The following SORL1 variants were observed in gnomAD, a reference collection of about 807,000 sequenced individuals.
SORL1 encodes sortilin-related receptor.
SORL1 carries 127 observed loss-of-function variants against 273.7 expected under a neutral mutation model. That is an observed-to-expected ratio of 0.46 (90% confidence interval 0.40 to 0.54). The LOEUF is 0.54. Ranked by LOEUF, SORL1 falls within the 20% of genes least tolerant of loss-of-function variation. The pLI, the probability that SORL1 is intolerant of heterozygous loss-of-function variation, is 0.00. For missense variants in SORL1, 2,494 were observed against 2,846.1 expected, an observed-to-expected ratio of 0.88 and a Z score of 2.81; for synonymous variants, 1,031 against 1,067.4, an observed-to-expected ratio of 0.97 and a Z score of 0.66.
At chr11:121,456,270 A>G (rs1368386888) in intron 1 of SORL1, among the ~76,000 whole-genome samples, 3 of 152,130 alleles carry the variant, frequency 2.0e-5, no homozygotes, top group African/African-American at 7.2e-5. Flanking sequence ...CTGAGCTTGG[A>G]GGCAGCACTT....
chr11:121,459,416 A>G (rs1339375042), intron 1 of SORL1, among the ~76,000 whole-genome samples: 3 of 152,176 alleles, frequency 2.0e-5, no homozygotes, highest in Non-Finnish European at 2.9e-5. Context: ...GACCCTAGGT[A>G]TTGGTGGCTG....
At position 121,470,079 on chromosome 11, in the gene SORL1, T is replaced by G. The variant is rs1257018897; in HGVS notation, c.358T>G (p.Leu120Val). The part of the protein sequence containing the change: ...AGEKSNVIVA[L>V]ARDSLALARP... ...AGAGAAAAGCAACGTGATCGTGGCC[T>G]TGGCCCGAGATAGCCTGGCATTGGC... is the stretch of plus-strand genomic sequence containing the variant. The change falls in exon 2 of 48, where the codon TTG becomes GTG. Residue 120 changes from leucine to valine, a missense_variant. This residue lies in a region of SORL1 where 710 missense variants were observed against 882.5 expected (regional missense o/e 0.80). Transcript: ENST00000260197. The G allele has an allele frequency of 6.2e-7, 1 of 1,614,176 alleles. No homozygotes were observed. Among genetic ancestry groups the G allele is most frequent in the South Asian group, 1.1e-5 (1 of 91,084 alleles).
At chr11:121,619,692 T>C (rs893301139) in intron 42 of SORL1, 61 bp from the exon 43 acceptor site, 2 of 1,234,914 alleles carry the variant, frequency 1.6e-6, no homozygotes, top group African/African-American at 1.5e-5. Context: ...AAAAATACTT[T>C]AATAAAGATT....
chr11:121,581,457 G>A (rs1279466818), intron 25 of SORL1, among the ~76,000 whole-genome samples: 1 of 152,030 alleles, frequency 6.6e-6, no homozygotes, highest in African/African-American at 2.4e-5. Context: ...CATTCTTATA[G>A]TTACAATGAA....
chr11:121,600,387 A>G (rs1005069310), intron 32 of SORL1, among the ~76,000 whole-genome samples: 8 of 152,202 alleles, frequency 5.3e-5, no homozygotes, highest in African/African-American at 9.6e-5. Context: ...GTACAGTTCT[A>G]CACTTACATT....
chr11:121,538,917 C>A (rs1221268129), intron 12 of SORL1, among the ~76,000 whole-genome samples: 2 of 152,054 alleles, frequency 1.3e-5, no homozygotes, highest in East Asian at 1.9e-4. Flanking sequence ...GACCTTGTGA[C>A]CCGCCCGCCT....
intron 3 of SORL1, among the ~76,000 whole-genome samples, chr11:121,478,980 G>A (rs1210830811): frequency 2.0e-5 from 3 of 150,944 alleles, no homozygotes; most frequent in East Asian, 2.0e-4. Context: ...TTGTGTGCAC[G>A]TGGGTACCCA....
intron 41 of SORL1, 27 bp downstream of exon 41, chr11:121,615,082 AAGTG>A (rs1863620898): frequency 6.4e-7 from 1 of 1,571,462 alleles, no homozygotes; most frequent in Admixed American, 1.9e-5. Context: ...GACCATCACA[AAGTG>A]AGTGTGGACT....
intron 27 of SORL1, among the ~76,000 whole-genome samples, chr11:121,586,803 A>T (rs1226021530): frequency 2.0e-5 from 3 of 150,434 alleles, no homozygotes; most frequent in African/African-American, 7.3e-5. Flanking sequence ...ATCCTTGATT[A>T]TATATTGGAA....
intron 27 of SORL1, among the ~76,000 whole-genome samples, 160 bp downstream of exon 27, chr11:121,586,489 C>G (rs1044912923): frequency 2.6e-5 from 4 of 151,914 alleles, no homozygotes; most frequent in Non-Finnish European, 5.9e-5. Context: ...GGAGGCTGAT[C>G]GTGGCAGAGA....
intron 6 of SORL1, among the ~76,000 whole-genome samples, chr11:121,506,832 T>A (rs1861793945): frequency 6.6e-6 from 1 of 152,236 alleles, no homozygotes; most frequent in Admixed American, 6.5e-5. Flanking sequence ...TCTGCTATTT[T>A]GCTCTTTGCT....
At chr11:121,497,901 C>A (rs754094551) in intron 6 of SORL1, among the ~76,000 whole-genome samples, 1 of 152,166 alleles carries the variant, frequency 6.6e-6, no homozygotes, top group African/African-American at 2.4e-5. Flanking sequence ...CAGACGTAAT[C>A]TTTTCCTTCA....
chr11:121,520,576 T>C, intron 8 of SORL1, 81 bp from the exon 9 acceptor site: 2 of 1,022,130 alleles, frequency 2.0e-6, no homozygotes, highest in Non-Finnish European at 2.8e-6. Context: ...TTGTATACTT[T>C]TAAATGGTCA....
chr11:121,570,476 TA>T (rs1862824371), intron 23 of SORL1, among the ~76,000 whole-genome samples: 2 of 152,286 alleles, frequency 1.3e-5, no homozygotes, highest in South Asian at 2.1e-4. Flanking sequence ...ATATACATAA[TA>T]TTTTTTTAAC....
chr11:121,565,767 C>T (rs576420390), intron 21 of SORL1, among the ~76,000 whole-genome samples: 23 of 152,284 alleles, frequency 1.5e-4, no homozygotes, highest in Admixed American at 3.3e-4. Flanking sequence ...CTGCCATCCC[C>T]GGAACGATGT....
chr11:121,507,463 T>C (rs1259289400), intron 6 of SORL1, among the ~76,000 whole-genome samples: 2 of 151,942 alleles, frequency 1.3e-5, no homozygotes, highest in Non-Finnish European at 2.9e-5. Context: ...TTTAACATTC[T>C]TTTTTTTGTT....
chr11:121,601,074 G>A (rs1426345944), intron 32 of SORL1, among the ~76,000 whole-genome samples: 27 of 122,928 alleles, frequency 2.2e-4, no homozygotes, highest in Admixed American at 1.2e-3. Context: ...AGTCCCCAGA[G>A]TGTGATATTC....
chr11:121,619,862 A>G lies in SORL1; in HGVS notation c.5834A>G (p.Lys1945Arg), dbSNP rs367819410. The G allele has an allele frequency of 1.5e-5, 24 of 1,614,124 alleles. No individual in the cohort carries two copies. Among genetic ancestry groups the G allele is most frequent in the Non-Finnish European group, 2.0e-5 (24 of 1,179,970 alleles). Residue 1945 changes from lysine (K) to arginine (R), a missense_variant, in exon 43 of 48, where the codon AAA (lysine) becomes AGA (arginine). Physicochemically the swap from Lys to Arg is conservative, Grantham distance 26. Transcript: ENST00000260197. Reference protein sequence around the residue: ...PRHLHVVHTGKTSVVIKWESP... With the variant: ...PRHLHVVHTGRTSVVIKWESP... ...CACCTGCATGTGGTTCATACGGGCA[A>G]AACCTCCGTGGTCATCAAGTGGGAA...
At chr11:121,505,717 G>A (rs577053762) in intron 6 of SORL1, among the ~76,000 whole-genome samples, 4 of 152,124 alleles carry the variant, frequency 2.6e-5, no homozygotes, top group African/African-American at 7.2e-5. Flanking sequence ...ATTTTTGAAT[G>A]TGTTGTTTAA....
Sources: gnomAD v4.1 joint callset for allele counts (sites outside exome capture counted in the v4.1 genomes callset) on GRCh38, gnomAD v4.1.1 for gene constraint, gnomAD v4.1.1 regional missense constraint, MANE v1.5 for transcripts, NCBI Gene and HGNC (gene_info 2026-07-23, HGNC 2026-07-21) for gene names.